NAALADL2: variants seen among roughly 807,000 people sequenced by gnomAD.
The protein encoded by NAALADL2 is inactive N-acetylated-alpha-linked acidic dipeptidase-like protein 2.
A neutral mutation model predicts 87.2 loss-of-function variants in NAALADL2; 76 were observed. The ratio of observed to expected loss-of-function variants is 0.87; its 90% CI spans 0.72 to 1.05. NAALADL2 has a LOEUF of 1.05. Among genes scored for constraint, NAALADL2 ranks in the 50% least tolerant of loss-of-function variants. The probability of loss-of-function intolerance (pLI) is 0.00; values close to 1 mark genes in which losing one functional copy is unlikely to be tolerated. For missense variants in NAALADL2, 1,089 were observed against 945.8 expected, an observed-to-expected ratio of 1.15 and a Z score of -1.99; for synonymous variants, 354 against 331.0, an observed-to-expected ratio of 1.07 and a Z score of -0.75.
At chr3:174,656,327 A>C (rs114581214) in intron 2 of NAALADL2, among the ~76,000 whole-genome samples, 6,777 of 152,310 alleles carry the variant, frequency 0.044, 521 homozygotes, top group African/African-American at 0.15. Context: ...CAAATTTCCC[A>C]AAATAGATAA....
intron 1 of NAALADL2, among the ~76,000 whole-genome samples, chr3:174,459,946 A>C (rs569757232): frequency 5.9e-5 from 9 of 152,306 alleles, no homozygotes; most frequent in Non-Finnish European, 2.9e-5. Flanking sequence ...CCTACTTTAT[A>C]GATTATATGA....
At chr3:175,358,701 G>T (rs896626073) in intron 5 of NAALADL2, among the ~76,000 whole-genome samples, 5 of 152,174 alleles carry the variant, frequency 3.3e-5, no homozygotes, top group Non-Finnish European at 7.4e-5. Flanking sequence ...GCACAGTGAG[G>T]TAATAGTTCA....
intron 9 of NAALADL2, among the ~76,000 whole-genome samples, chr3:175,547,740 C>T (rs1713605577): frequency 6.6e-6 from 1 of 151,622 alleles, no homozygotes; most frequent in Admixed American, 6.6e-5. Context: ...AAGTAGTGGG[C>T]AGAGGTCACA....
At chr3:175,516,759 GA>G (rs1731897213) in intron 9 of NAALADL2, among the ~76,000 whole-genome samples, 1 of 152,132 alleles carries the variant, frequency 6.6e-6, no homozygotes, top group Non-Finnish European at 1.5e-5. Flanking sequence ...CAGTTTTAAT[GA>G]TTTCAAATAT....
At chr3:175,216,663 CTTTTCTTTTTTT>C (rs1742581639) in intron 2 of NAALADL2, among the ~76,000 whole-genome samples, 8 of 43,356 alleles carry the variant, frequency 1.8e-4, no homozygotes, top group Non-Finnish European at 4.1e-4. Flanking sequence ...CTTTTTTTTT[CTTTTCTTTTTTT>C]TTTTTTTTTT....
chr3:174,824,190 C>G (rs995038472), intron 3 of NAALADL2, among the ~76,000 whole-genome samples: 2 of 151,986 alleles, frequency 1.3e-5, no homozygotes, highest in East Asian at 3.9e-4. Flanking sequence ...TTTGTAATGT[C>G]TGTTACATTA....
intron 5 of NAALADL2, among the ~76,000 whole-genome samples, chr3:175,375,496 G>A (rs1486527040): frequency 6.6e-6 from 1 of 152,070 alleles, no homozygotes; most frequent in Non-Finnish European, 1.5e-5. Context: ...CTATTATTAT[G>A]TGTGTACCTA....
At chr3:174,799,216 G>A (rs760996390) in intron 3 of NAALADL2, among the ~76,000 whole-genome samples, 1 of 151,998 alleles carries the variant, frequency 6.6e-6, no homozygotes, top group Admixed American at 6.6e-5. Flanking sequence ...CTTTGTGGAT[G>A]CATTGTTTTT....
chr3:174,944,388 T>A (rs1282922475), intron 1 of NAALADL2, among the ~76,000 whole-genome samples: 5 of 152,260 alleles, frequency 3.3e-5, no homozygotes, highest in Admixed American at 3.3e-4. Flanking sequence ...AGCCAAAGGC[T>A]GTAATGGCTA....
chr3:174,662,475 T>G (rs1725591212), intron 2 of NAALADL2, among the ~76,000 whole-genome samples: 1 of 152,114 alleles, frequency 6.6e-6, no homozygotes, highest in South Asian at 2.1e-4. Flanking sequence ...TGACTCATGG[T>G]TATTAACAGC....
At chr3:175,792,761 G>C (rs1000127091) in intron 13 of NAALADL2, among the ~76,000 whole-genome samples, 1 of 152,180 alleles carries the variant, frequency 6.6e-6, no homozygotes, top group Non-Finnish European at 1.5e-5. Context: ...TGTTAGGTTG[G>C]ATCGATGCAG....
At chr3:175,724,456 T>C (rs1742666438) in intron 11 of NAALADL2, among the ~76,000 whole-genome samples, 1 of 152,304 alleles carries the variant, frequency 6.6e-6, no homozygotes, top group East Asian at 1.9e-4. Context: ...AACCTTGTCA[T>C]GAATAGAATC....
chr3:174,976,004 G>C (rs1367329173), intron 1 of NAALADL2, among the ~76,000 whole-genome samples: 1 of 152,146 alleles, frequency 6.6e-6, no homozygotes, highest in Non-Finnish European at 1.5e-5. Flanking sequence ...ATAAGTGTTT[G>C]TTGTTTTATG....
chr3:175,653,602 A>G (rs1731073883), intron 11 of NAALADL2, among the ~76,000 whole-genome samples: 1 of 152,108 alleles, frequency 6.6e-6, no homozygotes. Context: ...CATATCTACA[A>G]TCTCTTTCAT....
At chr3:174,626,661 C>T (rs1721609367) in intron 2 of NAALADL2, among the ~76,000 whole-genome samples, 2 of 151,792 alleles carry the variant, frequency 1.3e-5, no homozygotes, top group Admixed American at 1.3e-4. Flanking sequence ...CTTTCAGCAC[C>T]TTTAGCTAAA....
At chr3:175,032,591 T>C (rs1752926925) in intron 1 of NAALADL2, among the ~76,000 whole-genome samples, 1 of 152,116 alleles carries the variant, frequency 6.6e-6, no homozygotes, top group Admixed American at 6.6e-5. Context: ...AGCCTTTTTT[T>C]TATGCTGTGC....
In NAALADL2 at chr3:174,899,511, GTC is replaced by G. The variant is rs1312634110; in HGVS notation, c.43+40069_43+40070del. ...CTTAAAAGTGTGTGGCACCTCCACA[GTC>G]TCTCTCTTGCTTCTGCTCTGGCAAG... On this transcript the variant is annotated intron_variant, in intron 1 of 13. Transcript: ENST00000454872. Among the ~76,000 whole-genome samples the G allele has an allele frequency of 2.6e-5, 4 of 152,214 alleles. No homozygotes were observed. The East Asian group carries it at 7.7e-4, about 29-fold the overall frequency.
intron 2 of NAALADL2, among the ~76,000 whole-genome samples, chr3:175,130,615 G>C: frequency 6.6e-6 from 1 of 152,098 alleles, no homozygotes; most frequent in Non-Finnish European, 1.5e-5. Flanking sequence ...TTTCTCTATT[G>C]TGTATTCTTG....
intron 5 of NAALADL2, among the ~76,000 whole-genome samples, chr3:175,413,589 A>G (rs1714031787): frequency 7.7e-6 from 1 of 129,774 alleles, no homozygotes; most frequent in South Asian, 2.5e-4. Context: ...AAAAAATCCC[A>G]AACATGTGCT....
Sources: allele counts gnomAD v4.1 joint callset (sites outside exome capture counted in the v4.1 genomes callset), GRCh38; gene constraint gnomAD v4.1.1; transcripts MANE v1.5; gene names NCBI Gene and HGNC (gene_info 2026-07-23, HGNC 2026-07-21).